The following PHF24 variants were observed in gnomAD, a reference collection of about 807,000 sequenced individuals.
PHF24 encodes the protein PHD finger protein 24, also known as Galpha inhibitory interacting protein.
PHF24 carries 25 observed loss-of-function variants against 42.6 expected under a neutral mutation model. The ratio of observed to expected loss-of-function variants is 0.59; its 90% CI spans 0.43 to 0.82. The LOEUF (loss-of-function observed/expected upper bound fraction) is 0.82. Ranked by LOEUF, PHF24 falls within the 40% of genes least tolerant of loss-of-function variation. PHF24 has a pLI of 0.00. For missense variants in PHF24, 470 were observed against 538.1 expected (o/e 0.87, Z 1.25); for synonymous variants, 185 against 204.8 (o/e 0.90, Z 0.83).
chr9:34,962,816 G>A (rs977143708), intron 1 of PHF24, among the ~76,000 whole-genome samples: 8 of 152,180 alleles, frequency 5.3e-5, no homozygotes, highest in Non-Finnish European at 1.2e-4. Flanking sequence ...GAAGACTCAG[G>A]CCCTAAGAGG....
At chr9:34,958,160 C>T (rs1380456609), upstream of PHF24, among the ~76,000 whole-genome samples, 22 of 147,550 alleles carry the variant, frequency 1.5e-4, no homozygotes, top group African/African-American at 5.1e-4. The surrounding 1 kb of genome is among the most constrained non-coding windows in gnomAD (Gnocchi z 4.5). Context: ...CCGGCCGGCC[C>T]AGGGCACCTC....
At chr9:34,677,759 C>T in the PHF24 span, among the ~76,000 whole-genome samples, 4 of 152,140 alleles carry the variant, frequency 2.6e-5, no homozygotes, top group Non-Finnish European at 4.4e-5. Context: ...ACTTATAGAA[C>T]AAAATCCTCA....
chr9:34,931,637 G>C, the PHF24 span, among the ~76,000 whole-genome samples: 1 of 151,950 alleles, frequency 6.6e-6, no homozygotes, highest in Admixed American at 6.6e-5. Flanking sequence ...CTTCTTTCCC[G>C]GTCCTGCTGC....
the PHF24 span, among the ~76,000 whole-genome samples, chr9:34,874,213 C>T: frequency 6.6e-6 from 1 of 152,090 alleles, no homozygotes; most frequent in Non-Finnish European, 1.5e-5. Context: ...ATTGCCCTGG[C>T]CAGCACTTCC....
At chr9:34,672,174 A>T in the PHF24 span, among the ~76,000 whole-genome samples, 1 of 151,972 alleles carries the variant, frequency 6.6e-6, no homozygotes, top group African/African-American at 2.4e-5. Context: ...TTCCTGTAGG[A>T]AACTCCTTTC....
the PHF24 span, among the ~76,000 whole-genome samples, chr9:34,840,990 C>T: frequency 6.6e-6 from 1 of 151,714 alleles, no homozygotes; most frequent in East Asian, 1.9e-4. Flanking sequence ...ATTCACACTT[C>T]TTTTTTTTAT....
the PHF24 span, among the ~76,000 whole-genome samples, chr9:34,757,113 C>T: frequency 6.6e-6 from 1 of 152,076 alleles, no homozygotes; most frequent in Non-Finnish European, 1.5e-5. Context: ...CCATGTTGGC[C>T]AGGCTGGTCT....
At chr9:34,917,644 G>A in the PHF24 span, 4 of 777,410 alleles carry the variant, frequency 5.1e-6, no homozygotes, top group Non-Finnish European at 7.2e-6. Flanking sequence ...GCTTCCCGGG[G>A]CCTCAGACTC....
At chr9:34,745,609 C>A in the PHF24 span, among the ~76,000 whole-genome samples, 1 of 151,126 alleles carries the variant, frequency 6.6e-6, no homozygotes, top group South Asian at 2.1e-4. Flanking sequence ...ACCAGAAATA[C>A]CCCATACTGA....
the PHF24 span, among the ~76,000 whole-genome samples, chr9:34,851,819 C>A: frequency 6.6e-6 from 1 of 152,022 alleles, no homozygotes; most frequent in Non-Finnish European, 1.5e-5. Context: ...TTTACTTTAC[C>A]CCCTAATTTA....
At chr9:34,979,094 CT>C (rs1827305543) in exon 8 of PHF24, 1 of 152,198 alleles carries the variant, frequency 6.6e-6, no homozygotes, top group Non-Finnish European at 1.5e-5. Flanking sequence ...CGGGGCTCTG[CT>C]TCCTCATCAT....
chr9:34,918,111 T>C, the PHF24 span: 1 of 1,545,694 alleles, frequency 6.5e-7, no homozygotes, highest in Non-Finnish European at 8.9e-7. Context: ...CAACAACTTT[T>C]CTGCTGGTGT....
At chr9:34,982,194 C>T (rs1051007854) in exon 8 of PHF24, 1 of 152,176 alleles carries the variant, frequency 6.6e-6, no homozygotes, top group Non-Finnish European at 1.5e-5. Flanking sequence ...TATAAGTAGC[C>T]AGGCCTTTTC....
the PHF24 span, among the ~76,000 whole-genome samples, chr9:34,671,415 C>T: frequency 2.4e-4 from 37 of 152,336 alleles, 1 homozygote; most frequent in East Asian, 7.1e-3. Context: ...GCCCCCAAGG[C>T]TCAGGAAAGC....
At chr9:34,805,066 T>A in the PHF24 span, among the ~76,000 whole-genome samples, 2 of 152,254 alleles carry the variant, frequency 1.3e-5, no homozygotes, top group African/African-American at 2.4e-5. Context: ...TGAATAATAT[T>A]CCATTGTATG....
chr9:34,810,135 A>G, the PHF24 span, among the ~76,000 whole-genome samples: 1 of 151,842 alleles, frequency 6.6e-6, no homozygotes, highest in East Asian at 2.0e-4. Context: ...GGCAGTATAG[A>G]GTCCGCCGGC....
the PHF24 span, among the ~76,000 whole-genome samples, chr9:34,720,377 G>A: frequency 1.9e-3 from 286 of 151,616 alleles, no homozygotes; most frequent in African/African-American, 6.3e-3. Flanking sequence ...CCCGGGAAGC[G>A]GAGCTTGCAG....
the PHF24 span, among the ~76,000 whole-genome samples, chr9:34,722,562 A>G: frequency 6.6e-6 from 1 of 152,210 alleles, no homozygotes; most frequent in Non-Finnish European, 1.5e-5. Flanking sequence ...GGCCTGTGTC[A>G]TGTTCATTGA....
At chr9:34,979,678 C>A (rs1274195860) in exon 8 of PHF24, 2 of 152,226 alleles carry the variant, frequency 1.3e-5, no homozygotes, top group Non-Finnish European at 2.9e-5. Context: ...CCGCTCGGTG[C>A]TGAATGTTTC....
Sources: gnomAD v4.1 joint callset for allele counts (sites outside exome capture counted in the v4.1 genomes callset) on GRCh38, gnomAD v4.1.1 for gene constraint, Gnocchi (gnomAD v3.1) non-coding constraint, MANE v1.5 for transcripts, NCBI Gene and HGNC (gene_info 2026-07-23, HGNC 2026-07-21) for gene names.